Variants in THOC3 observed in about 807,000 individuals in gnomAD.
THOC3 encodes TEX1 homolog.
THOC3 carries 4 observed loss-of-function variants against 23.3 expected under a neutral mutation model. That is an observed-to-expected ratio of 0.17 (90% CI 0.08 to 0.39). THOC3 has a LOEUF of 0.39. Among genes scored for constraint, THOC3 ranks in the 10% least tolerant of loss-of-function variants. THOC3 has a pLI of 1.00. For missense variants in THOC3, 64 were observed against 359.4 expected (o/e 0.18, Z 6.65); for synonymous variants, 27 against 141.5 (o/e 0.19, Z 5.74).
At chr5:175,964,623 C>CA (rs1388766700) in intron 3 of THOC3, among the ~76,000 whole-genome samples, 4 of 109,044 alleles carry the variant, frequency 3.7e-5, no homozygotes, top group African/African-American at 7.2e-5. Context: ...TCTCGAAAAA[C>CA]AAAAAAAAAG....
At chr5:175,966,075 C>G (rs1363926409) in intron 2 of THOC3, among the ~76,000 whole-genome samples, 1 of 147,422 alleles carries the variant, frequency 6.8e-6, no homozygotes, top group African/African-American at 2.5e-5. Flanking sequence ...CCCAGCTACT[C>G]AGGAGGTTGA....
intron 3 of THOC3, among the ~76,000 whole-genome samples, chr5:175,961,666 A>T (rs1231660397): frequency 2.6e-5 from 4 of 152,180 alleles, no homozygotes; most frequent in Non-Finnish European, 4.4e-5. Context: ...TAGCAAAACT[A>T]GTGGACTTTA....
intron 3 of THOC3, among the ~76,000 whole-genome samples, chr5:175,962,584 G>A (rs1756684692): frequency 6.8e-6 from 1 of 148,128 alleles, no homozygotes; most frequent in East Asian, 1.9e-4. Context: ...GAGTGCAGTG[G>A]TGCAATCTAA....
At chr5:175,962,201 C>T (rs543114473) in intron 3 of THOC3, among the ~76,000 whole-genome samples, 2 of 149,308 alleles carry the variant, frequency 1.3e-5, no homozygotes, top group East Asian at 3.9e-4. Flanking sequence ...TGTTCTGAGA[C>T]ATCTATATGT....
chr5:175,962,518 C>T (rs1183167982), intron 3 of THOC3, among the ~76,000 whole-genome samples: 4 of 105,142 alleles, frequency 3.8e-5, no homozygotes, highest in African/African-American at 2.1e-4. Flanking sequence ...GAATGTAAGG[C>T]TCCTTTTTTT....
At chr5:175,965,195 T>C (rs989703754) in intron 2 of THOC3, 40 bp from the exon 3 acceptor site, 2 of 1,612,474 alleles carry the variant, frequency 1.2e-6, no homozygotes, top group Non-Finnish European at 1.7e-6. Flanking sequence ...ATCTGTTTGC[T>C]CATAATCTTC....
intron 3 of THOC3, among the ~76,000 whole-genome samples, chr5:175,964,614 C>A: frequency 7.7e-6 from 1 of 129,966 alleles, no homozygotes; most frequent in African/African-American, 3.0e-5. Context: ...AAAACTCTGT[C>A]TCGAAAAACA....
At chr5:175,961,687 A>T (rs575935926) in intron 3 of THOC3, among the ~76,000 whole-genome samples, 238 of 152,308 alleles carry the variant, frequency 1.6e-3, no homozygotes, top group African/African-American at 5.4e-3. Context: ...AAGAAAAAGA[A>T]AATTAGATTA....
chr5:175,961,635 T>G (rs1199711117), intron 3 of THOC3, among the ~76,000 whole-genome samples: 1 of 151,764 alleles, frequency 6.6e-6, no homozygotes, highest in Non-Finnish European at 1.5e-5. Flanking sequence ...GAACCAAAGT[T>G]ACCAACATCG....
chr5:175,962,415 TATATATAC>T (rs1161171520), intron 3 of THOC3, among the ~76,000 whole-genome samples: 1 of 33,250 alleles, frequency 3.0e-5, no homozygotes, highest in African/African-American at 9.8e-5. Flanking sequence ...TAAATATATA[TATATATAC>T]ACACACACAC....
At chr5:175,963,042 C>T (rs1756696017) in intron 3 of THOC3, among the ~76,000 whole-genome samples, 1 of 152,256 alleles carries the variant, frequency 6.6e-6, no homozygotes, top group African/African-American at 2.4e-5. Context: ...AACACACCAA[C>T]TATGTTTAAA....
Position 175,965,016 on chromosome 5 carries a change from G to C in THOC3, c.564C>G (p.Ile188Met). The change falls in exon 3 of 6, where the codon ATC becomes ATG. Residue 188 changes from isoleucine to methionine, a missense_variant. By Grantham distance (10) the Ile-to-Met change is conservative. Coordinates refer to ENST00000265097, the MANE Select transcript of THOC3 (RefSeq NM_032361.4). ...ACATATTATTGTCATTGTTCCAGGAGATTTCGTTGACCTCGAACTTGAACT... is the reference window on the plus strand; with the variant it reads ...ACATATTATTGTCATTGTTCCAGGACATTTCGTTGACCTCGAACTTGAACT... ...EEQFKFEVNE[I>M]SWNNDNNMFF... 1 of 1,484,922 alleles carries C rather than the reference G, an allele frequency of 6.7e-7. No homozygotes were observed. Among genetic ancestry groups the C allele is most frequent in the Non-Finnish European group, 9.3e-7 (1 of 1,074,132 alleles). 92.0% of individuals were successfully genotyped at this position (1,484,922 alleles called of 1,614,324 possible).
intron 3 of THOC3, among the ~76,000 whole-genome samples, chr5:175,963,010 C>CGTAA (rs1376701746): frequency 1.3e-5 from 2 of 152,090 alleles, no homozygotes; most frequent in African/African-American, 4.8e-5. Flanking sequence ...CTTCAACAGG[C>CGTAA]GTAACAATTA....
intron 3 of THOC3, among the ~76,000 whole-genome samples, chr5:175,961,890 T>G (rs1454467711): frequency 6.6e-6 from 1 of 152,022 alleles, no homozygotes; most frequent in African/African-American, 2.4e-5. Flanking sequence ...AAATAAGTTG[T>G]AATAAAAACT....
chr5:175,962,407 AATATAT>A lies in THOC3; in HGVS notation c.630-979_630-974del, dbSNP rs201051870. On this transcript the variant is annotated intron_variant, in intron 3 of 5. Coordinates refer to ENST00000265097, the MANE Select transcript of THOC3 (RefSeq NM_032361.4). Reference sequence around the variant, plus strand: ...GAATTCATAAGGTATTTTATCTTTAAATATATATATATATACACACACACACACACA... The same window carrying A: ...GAATTCATAAGGTATTTTATCTTTAAATATATATACACACACACACACACA... 1.7e-3 allele frequency among the ~76,000 whole-genome samples: 92 copies of A among 52,686 alleles called. 1 individual carries two copies. Among genetic ancestry groups the A allele is most frequent in the Non-Finnish European group, 2.3e-3 (53 of 23,188 alleles). 34.6% of individuals were successfully genotyped at this position (52,686 alleles called of 152,430 possible).
chr5:175,962,521 CTTTTT>C (rs151187689), intron 3 of THOC3, among the ~76,000 whole-genome samples: 3 of 109,540 alleles, frequency 2.7e-5, no homozygotes, highest in Non-Finnish European at 3.6e-5. Flanking sequence ...TGTAAGGCTC[CTTTTT>C]TTTTTTTTTT....
rs574109886 is a variant in THOC3, at chr5:175,960,536, G to A, written c.893-404C>T. 171 of 165,302 alleles carry A rather than the reference G, an allele frequency of 1.0e-3. 4 individuals are homozygous for A. The highest frequency in any genetic ancestry group is 2.7e-3 in the African/African-American group (103 of 38,584). The allele number at this position is 165,302 out of a possible 1,614,324, so 10.2% of individuals were successfully genotyped here. A position where few individuals can be genotyped will look rare whatever the true frequency, so the allele number is the denominator to read the frequency against. ...TTCTATACAGTTTTAATCTTTTTAC[G>A]AAGAGTGTCAAAGATTTCCAAAAAC... On this transcript the variant is annotated intron_variant, in intron 5 of 5. Coordinates refer to ENST00000265097, the MANE Select transcript of THOC3 (RefSeq NM_032361.4).
At chr5:175,966,540 A>T (rs1756770418) in intron 2 of THOC3, among the ~76,000 whole-genome samples, 1 of 133,036 alleles carries the variant, frequency 7.5e-6, no homozygotes, top group South Asian at 2.4e-4. Context: ...GGTGTATCAC[A>T]GTTATTTACC....
chr5:175,962,529 T>C (rs547214598), intron 3 of THOC3, among the ~76,000 whole-genome samples: 19 of 146,718 alleles, frequency 1.3e-4, no homozygotes, highest in Non-Finnish European at 2.7e-4. Flanking sequence ...TCCTTTTTTT[T>C]TTTTTTTTTT....
Sources: allele counts gnomAD v4.1 joint callset (sites outside exome capture counted in the v4.1 genomes callset), GRCh38; gene constraint gnomAD v4.1.1; transcripts MANE v1.5; gene names NCBI Gene and HGNC (gene_info 2026-07-23, HGNC 2026-07-21).